SUMF1: variants seen among roughly 807,000 people sequenced by gnomAD.
SUMF1 encodes sulfatase modifying factor 1, also known as formylglycine-generating enzyme.
A neutral mutation model predicts 47.6 loss-of-function variants in SUMF1; 48 were observed. The ratio of observed to expected loss-of-function variants is 1.01; its 90% CI spans 0.80 to 1.28. The LOEUF is 1.28. Among genes scored for constraint, SUMF1 ranks in the 50% most tolerant of loss-of-function variants. SUMF1 has a pLI of 0.00. For missense variants in SUMF1, 571 were observed against 485.4 expected (o/e 1.18, Z -1.66); for synonymous variants, 230 against 192.1 (o/e 1.20, Z -1.63).
downstream of SUMF1, among the ~76,000 whole-genome samples, chr3:4,358,382 AAC>A (rs1175858010): frequency 6.6e-6 from 1 of 152,032 alleles, no homozygotes; most frequent in Non-Finnish European, 1.5e-5. Context: ...CAAAAAACAA[AAC>A]AGTTTTTTAA....
intron 8 of SUMF1, among the ~76,000 whole-genome samples, chr3:4,184,539 A>T (rs1243640443): frequency 6.6e-6 from 1 of 152,114 alleles, no homozygotes; most frequent in Non-Finnish European, 1.5e-5. Flanking sequence ...TCTCACAACG[A>T]TCTTGAAGGT....
intron 8 of SUMF1, among the ~76,000 whole-genome samples, chr3:4,178,625 T>C (rs972014894): frequency 3.9e-5 from 6 of 152,146 alleles, no homozygotes; most frequent in African/African-American, 1.4e-4. Flanking sequence ...CTTTGAAAAC[T>C]GGCACAAGAC....
In SUMF1 at chr3:4,425,000, T is replaced by C. The variant is rs554352094; in HGVS notation, c.520-4854A>G. Among the ~76,000 whole-genome samples, 7 of 152,288 alleles carry C rather than the reference T, an allele frequency of 4.6e-5. No individual in the cohort carries two copies. In the South Asian group the frequency reaches 1.4e-3, roughly 32 times the overall value. ...CTGACCTCTACCCACCAGATGCCAG[T>C]TGCATCCTTCTTCTCCCATGCCAAC... is the stretch of plus-strand genomic sequence containing the variant. On this transcript the variant is annotated intron_variant, in intron 3 of 8. Transcript: ENST00000272902.
chr3:4,437,659 C>T (rs1702444704), intron 3 of SUMF1, among the ~76,000 whole-genome samples: 1 of 152,128 alleles, frequency 6.6e-6, no homozygotes, highest in Non-Finnish European at 1.5e-5. Flanking sequence ...GAAAAGAAGG[C>T]TGGGCACGGT....
intron 8 of SUMF1, among the ~76,000 whole-genome samples, chr3:4,095,906 C>A (rs530280704): frequency 2.6e-5 from 4 of 152,258 alleles, no homozygotes; most frequent in Admixed American, 2.6e-4. Context: ...AGGCCCAACT[C>A]AGCCAATACA....
chr3:4,037,885 T>C (rs1223799194), intron 9 of SUMF1, among the ~76,000 whole-genome samples: 3 of 152,204 alleles, frequency 2.0e-5, no homozygotes, highest in Admixed American at 2.0e-4. Flanking sequence ...TATTTGTAAC[T>C]GACATCTTGC....
At chr3:4,192,387 C>A (rs1695335519) in intron 8 of SUMF1, among the ~76,000 whole-genome samples, 7 of 151,956 alleles carry the variant, frequency 4.6e-5, no homozygotes, top group Admixed American at 3.3e-4. Context: ...TCTAAGGCAA[C>A]CTTTAGTTCT....
At chr3:4,248,846 T>C (rs924692606) in intron 8 of SUMF1, among the ~76,000 whole-genome samples, 1 of 152,212 alleles carries the variant, frequency 6.6e-6, no homozygotes, top group African/African-American at 2.4e-5. Context: ...GCATGTGGTA[T>C]GGAGGAAAAC....
chr3:4,043,692 T>C (rs1694951209), intron 9 of SUMF1, among the ~76,000 whole-genome samples: 1 of 152,160 alleles, frequency 6.6e-6, no homozygotes, highest in Non-Finnish European at 1.5e-5. Flanking sequence ...TAGGAAAGAA[T>C]TTGAACTATC....
chr3:4,066,311 G>A (rs193047559), intron 9 of SUMF1, among the ~76,000 whole-genome samples: 102 of 152,076 alleles, frequency 6.7e-4, no homozygotes, highest in African/African-American at 2.0e-3. Context: ...TTCATAAAAC[G>A]ATCTTTTTTC....
In SUMF1 at chr3:4,258,914, C is replaced by T. The variant is rs1419182429; in HGVS notation, c.1014+117416G>A. ...TTAAGAAAATGTCGCACATATACAC[C>T]ATGGAATACTATGCAGCCATAAAAA... On this transcript the variant is annotated intron_variant and NMD_transcript_variant, in intron 8 of 12. Transcript: ENST00000448413. 2.1e-5 allele frequency among the ~76,000 whole-genome samples: 3 copies of T among 139,686 alleles called. No homozygotes were observed. The East Asian group carries it at 5.9e-4, about 27-fold the overall frequency. The allele number at this position is 139,686 out of a possible 152,430, so 91.6% of individuals were successfully genotyped here. A position where few individuals can be genotyped will look rare whatever the true frequency, so the allele number is the denominator to read the frequency against.
chr3:4,305,734 T>C (rs1698165743), intron 8 of SUMF1, among the ~76,000 whole-genome samples: 1 of 152,200 alleles, frequency 6.6e-6, no homozygotes, highest in African/African-American at 2.4e-5. Context: ...CTGATGAGAC[T>C]TTATGGTTTG....
rs556234122 is a variant in SUMF1, at chr3:4,313,667, A to G, written c.1014+62663T>C. The G allele has an allele frequency of 9.3e-6, 15 of 1,614,016 alleles. No homozygotes were observed. The Admixed American group carries it at 1.0e-4, about 11-fold the overall frequency. On this transcript the variant is annotated intron_variant and NMD_transcript_variant, in intron 8 of 12. Coordinates refer to the SUMF1 transcript ENST00000448413. ...GACAGTTCTCTGTACTGCCCCGTAG[A>G]AAAGTCGAACATCAGTTGTGGAAAT...
At position 4,149,577 on chromosome 3, in the gene SUMF1, C is replaced by A. The variant is rs765926001; in HGVS notation, c.1015-80832G>T. 2.6e-5 allele frequency among the ~76,000 whole-genome samples: 4 copies of A among 152,144 alleles called. No individual in the cohort carries two copies. In the South Asian group the frequency reaches 6.2e-4, roughly 24 times the overall value. ...CTTTGAACCACGTCATTAGGAATTT[C>A]TTCCTCAGACTGCGCCAATATATCT... On this transcript the variant is annotated intron_variant and NMD_transcript_variant, in intron 8 of 12. Coordinates refer to the SUMF1 transcript ENST00000448413.
chr3:4,117,692 A>AG (rs542464096), intron 8 of SUMF1, among the ~76,000 whole-genome samples: 38 of 152,170 alleles, frequency 2.5e-4, no homozygotes, highest in Non-Finnish European at 7.4e-5. Flanking sequence ...CCCTGAGAAA[A>AG]TATTTGTGAA....
intron 8 of SUMF1, among the ~76,000 whole-genome samples, chr3:4,329,171 T>C (rs1330760554): frequency 2.0e-5 from 3 of 152,180 alleles, no homozygotes; most frequent in African/African-American, 7.2e-5. Context: ...AGGTGCATGG[T>C]GCAAGCTGTT....
chr3:4,262,009 C>T (rs1697097214), intron 8 of SUMF1, among the ~76,000 whole-genome samples: 2 of 152,294 alleles, frequency 1.3e-5, no homozygotes, highest in African/African-American at 4.8e-5. Context: ...AAACGTATAA[C>T]AAGGTCTGGC....
At chr3:4,115,196 G>A (rs986246392) in intron 8 of SUMF1, among the ~76,000 whole-genome samples, 1 of 152,062 alleles carries the variant, frequency 6.6e-6, no homozygotes, top group African/African-American at 2.4e-5. Context: ...TCAACAGCAG[G>A]ACGACATGGA....
chr3:4,171,013 G>A (rs1055758202), intron 8 of SUMF1, among the ~76,000 whole-genome samples: 1 of 152,204 alleles, frequency 6.6e-6, no homozygotes, highest in Non-Finnish European at 1.5e-5. Flanking sequence ...CTCTGCATTT[G>A]CATCAGAAGA....
Sources: allele counts gnomAD v4.1 joint callset (sites outside exome capture counted in the v4.1 genomes callset), GRCh38; gene constraint gnomAD v4.1.1; transcripts MANE v1.5; gene names NCBI Gene and HGNC (gene_info 2026-07-23, HGNC 2026-07-21).